The following DCBLD1 variants were observed in gnomAD, a reference collection of about 807,000 sequenced individuals.
The protein encoded by DCBLD1 is discoidin, CUB and LCCL domain containing 1.
Under a neutral mutation model 71.5 loss-of-function variants are expected in DCBLD1, and 57 were observed. The observed-to-expected ratio is 0.80, with a 90% CI of 0.64 to 0.99. The LOEUF is 0.99. Ranked by LOEUF, DCBLD1 falls within the 50% of genes least tolerant of loss-of-function variation. The pLI, the probability that DCBLD1 is intolerant of heterozygous loss-of-function variation, is 0.00. For missense variants in DCBLD1, 891 were observed against 923.5 expected, an observed-to-expected ratio of 0.96 and a Z score of 0.46; for synonymous variants, 380 against 363.8, an observed-to-expected ratio of 1.04 and a Z score of -0.51.
chr6:117,563,707 G>A (rs1017034377), intron 14 of DCBLD1, among the ~76,000 whole-genome samples: 4 of 150,612 alleles, frequency 2.7e-5, no homozygotes, highest in Admixed American at 2.6e-4. Context: ...GGGTGACAGA[G>A]TGAAACTCTG....
intron 5 of DCBLD1, among the ~76,000 whole-genome samples, chr6:117,531,052 G>A (rs1025896351): frequency 6.6e-6 from 1 of 151,908 alleles, no homozygotes; most frequent in Non-Finnish European, 1.5e-5. Flanking sequence ...ATCTAGTTTG[G>A]GAAATATGAA....
intron 14 of DCBLD1, among the ~76,000 whole-genome samples, chr6:117,564,576 G>A (rs576742736): frequency 1.6e-4 from 25 of 152,060 alleles, no homozygotes; most frequent in East Asian, 5.8e-4. Context: ...AAGTATAGAC[G>A]TGTGAAACAA....
At chr6:117,551,484 A>G (rs963283916), downstream of DCBLD1, among the ~76,000 whole-genome samples, 1 of 151,972 alleles carries the variant, frequency 6.6e-6, no homozygotes, top group African/African-American at 2.4e-5. Context: ...GGTTCATGCC[A>G]TTCTGCTGCC....
intron 11 of DCBLD1, 136 bp downstream of exon 11, chr6:117,541,161 G>A (rs900788520): frequency 1.4e-6 from 1 of 695,914 alleles, no homozygotes. Flanking sequence ...TGGCACATAT[G>A]TAAAATGATG....
At chr6:117,552,630 G>A (rs1022287953), downstream of DCBLD1, among the ~76,000 whole-genome samples, 8 of 152,010 alleles carry the variant, frequency 5.3e-5, no homozygotes, top group African/African-American at 1.9e-4. Context: ...CCTAATTCTA[G>A]GTCTTCTTCA....
At chr6:117,553,725 T>C (rs1295531094), downstream of DCBLD1, among the ~76,000 whole-genome samples, 1 of 152,192 alleles carries the variant, frequency 6.6e-6, no homozygotes, top group Non-Finnish European at 1.5e-5. Context: ...TTTTAAAGGG[T>C]GCTCACATAA....
chr6:117,534,462 T>G (rs928596478), intron 6 of DCBLD1, among the ~76,000 whole-genome samples: 2 of 152,194 alleles, frequency 1.3e-5, no homozygotes, highest in South Asian at 4.1e-4. Context: ...ACGAGGGTGC[T>G]ACTTCAGGAA....
chr6:117,547,209 C>T (rs1779294545), intron 14 of DCBLD1, among the ~76,000 whole-genome samples: 1 of 152,190 alleles, frequency 6.6e-6, no homozygotes, highest in South Asian at 2.1e-4. Context: ...ACAATCAATG[C>T]TTTTCCATGC....
At chr6:117,530,834 G>A (rs1349810922) in intron 5 of DCBLD1, among the ~76,000 whole-genome samples, 2 of 152,162 alleles carry the variant, frequency 1.3e-5, no homozygotes, top group African/African-American at 4.8e-5. Flanking sequence ...CAGGAAAGAT[G>A]AAAAAGCAAC....
chr6:117,484,707 A>G (rs1234334922), intron 1 of DCBLD1, among the ~76,000 whole-genome samples: 1 of 152,168 alleles, frequency 6.6e-6, no homozygotes, highest in Non-Finnish European at 1.5e-5. Flanking sequence ...AAATGCTACC[A>G]TCTGTGTTAT....
At chr6:117,498,994 T>G (rs1777559524) in intron 1 of DCBLD1, among the ~76,000 whole-genome samples, 1 of 152,150 alleles carries the variant, frequency 6.6e-6, no homozygotes, top group South Asian at 2.1e-4. Flanking sequence ...GTCTTTTAAA[T>G]CTAAAATAAA....
intron 2 of DCBLD1, among the ~76,000 whole-genome samples, chr6:117,517,888 A>G (rs1778255282): frequency 6.6e-6 from 1 of 152,182 alleles, no homozygotes; most frequent in African/African-American, 2.4e-5. Context: ...TGGGTCTGTG[A>G]TGGGAAGGGT....
At chr6:117,502,131 T>A (rs1028722838) in intron 1 of DCBLD1, among the ~76,000 whole-genome samples, 1 of 152,216 alleles carries the variant, frequency 6.6e-6, no homozygotes, top group Non-Finnish European at 1.5e-5. Flanking sequence ...TGTAGCGTTG[T>A]CCAGCCAGGT....
intron 1 of DCBLD1, among the ~76,000 whole-genome samples, chr6:117,483,150 C>T (rs1427036918): frequency 6.6e-6 from 1 of 152,180 alleles, no homozygotes; most frequent in Non-Finnish European, 1.5e-5. Context: ...AGAGAATTAA[C>T]CTGGCGTCTC....
At chr6:117,543,994 T>G (rs1000037219) in intron 12 of DCBLD1, among the ~76,000 whole-genome samples, 1 of 152,248 alleles carries the variant, frequency 6.6e-6, no homozygotes, top group African/African-American at 2.4e-5. Flanking sequence ...AAGTTTTCTC[T>G]TCTTATATTT....
chr6:117,519,441 A>AT (rs898240986), intron 2 of DCBLD1, among the ~76,000 whole-genome samples: 4 of 152,134 alleles, frequency 2.6e-5, no homozygotes, highest in African/African-American at 7.2e-5. Flanking sequence ...CGAAAAAATG[A>AT]TTTTTTTAGT....
chr6:117,498,780 C>A (rs1777550728), intron 1 of DCBLD1, among the ~76,000 whole-genome samples: 1 of 152,120 alleles, frequency 6.6e-6, no homozygotes, highest in South Asian at 2.1e-4. Context: ...GACCTTATGT[C>A]ATTTCAGCCC....
intron 1 of DCBLD1, among the ~76,000 whole-genome samples, chr6:117,491,814 C>T (rs1350723983): frequency 6.6e-6 from 1 of 152,148 alleles, no homozygotes; most frequent in African/African-American, 2.4e-5. Context: ...TGACACAGCT[C>T]ACGTCCTAAA....
chr6:117,554,983 G>T (rs1779478762), intron 14 of DCBLD1, among the ~76,000 whole-genome samples: 1 of 151,972 alleles, frequency 6.6e-6, no homozygotes, highest in Non-Finnish European at 1.5e-5. Flanking sequence ...AAACAATTTA[G>T]AATTTTTCTT....
Sources: allele counts gnomAD v4.1 joint callset (sites outside exome capture counted in the v4.1 genomes callset), GRCh38; gene constraint gnomAD v4.1.1; transcripts MANE v1.5; gene names NCBI Gene and HGNC (gene_info 2026-07-23, HGNC 2026-07-21).